STX3: variants seen among roughly 807,000 people sequenced by gnomAD.
The protein encoded by STX3 is syntaxin-3.
A neutral mutation model predicts 40.2 loss-of-function variants in STX3; 19 were observed. The observed-to-expected ratio is 0.47, with a 90% CI of 0.33 to 0.69. The LOEUF (loss-of-function observed/expected upper bound fraction) is 0.69, where lower values mean the gene tolerates loss of function less well. Ranked by LOEUF, STX3 falls within the 30% of genes least tolerant of loss-of-function variation. The probability of loss-of-function intolerance (pLI) is 0.02; values close to 1 mark genes in which losing one functional copy is unlikely to be tolerated. For missense variants in STX3, 364 were observed against 366.7 expected, an observed-to-expected ratio of 0.99 and a Z score of 0.06; for synonymous variants, 122 against 132.2, an observed-to-expected ratio of 0.92 and a Z score of 0.53.
rs748781740 is a variant in STX3, at chr11:59,805,492, A to G, written c.*4668A>G. The G allele has an allele frequency of 2.0e-5, 3 of 152,216 alleles. No individual in the cohort carries two copies. The highest frequency in any genetic ancestry group is 4.4e-5 in the Non-Finnish European group (3 of 68,032). 9.4% of individuals were successfully genotyped at this position (152,216 alleles called of 1,614,324 possible). ...CCCACCTTCAAAAGCCAATGGTTTG[A>G]TATTTCTATTAATTTGTGCTTCCTT... On this transcript the variant is annotated 3_prime_UTR_variant, in exon 11 of 11. Coordinates refer to ENST00000337979, the MANE Select transcript of STX3 (RefSeq NM_004177.5).
chr11:59,780,430 A>G (rs866709803), intron 2 of STX3, among the ~76,000 whole-genome samples: 6 of 152,196 alleles, frequency 3.9e-5, no homozygotes, highest in South Asian at 4.1e-4. Context: ...TACTGTGAGA[A>G]ATATATCCTG....
At chr11:59,790,626 T>A in intron 5 of STX3, 40 bp downstream of exon 5, 1 of 1,482,678 alleles carries the variant, frequency 6.7e-7, no homozygotes, top group Non-Finnish European at 9.4e-7. Context: ...TAGTCCAATC[T>A]CTTATTGTTT....
chr11:59,762,541 A>G (rs185418839), intron 1 of STX3, among the ~76,000 whole-genome samples: 4 of 152,350 alleles, frequency 2.6e-5, no homozygotes, highest in Admixed American at 1.3e-4. Flanking sequence ...TAAGTATTCT[A>G]GAATGACCAT....
intron 9 of STX3, 155 bp downstream of exon 9, chr11:59,795,637 C>G: frequency 6.5e-7 from 1 of 1,538,706 alleles, no homozygotes; most frequent in Non-Finnish European, 8.7e-7. Context: ...ACAACATGGA[C>G]CAGTCAGTGG....
intron 3 of STX3, among the ~76,000 whole-genome samples, chr11:59,788,042 C>A (rs968648940): frequency 1.3e-5 from 2 of 152,238 alleles, no homozygotes; most frequent in South Asian, 4.1e-4. Context: ...GCCAGAGCAA[C>A]TCTGTCTGGT....
chr11:59,790,039 C>A (rs1011610629), intron 4 of STX3, among the ~76,000 whole-genome samples: 1 of 152,212 alleles, frequency 6.6e-6, no homozygotes, highest in African/African-American at 2.4e-5. Flanking sequence ...TTCTTCCCCC[C>A]AAGTATATTG....
chr11:59,802,590 T>G lies in STX3; in HGVS notation c.*1766T>G. 4 of 985,892 alleles carry G rather than the reference T, an allele frequency of 4.1e-6. No individual in the cohort carries two copies. The highest frequency in any genetic ancestry group is 3.6e-6 in the Non-Finnish European group (3 of 829,938). 61.1% of individuals were successfully genotyped at this position (985,892 alleles called of 1,614,324 possible). A position where few individuals can be genotyped will look rare whatever the true frequency, so the allele number is the denominator to read the frequency against. On this transcript the variant is annotated 3_prime_UTR_variant, in exon 11 of 11. Coordinates refer to ENST00000337979, the MANE Select transcript of STX3 (RefSeq NM_004177.5). ...CTCCTCTGACATTGAGGCCTGGGGCTTACAGTTTGGAATACAACATGTGAA... is the reference window on the plus strand; with the variant it reads ...CTCCTCTGACATTGAGGCCTGGGGCGTACAGTTTGGAATACAACATGTGAA...
At chr11:59,790,211 A>C (rs144559189) in intron 4 of STX3, among the ~76,000 whole-genome samples, 135 of 152,368 alleles carry the variant, frequency 8.9e-4, no homozygotes, top group African/African-American at 3.1e-3. Context: ...ATGAGAGAAC[A>C]GGTACATTAA....
chr11:59,800,799 T>C, intron 10 of STX3, 56 bp from the exon 11 acceptor site: 1 of 1,535,712 alleles, frequency 6.5e-7, no homozygotes. Flanking sequence ...ACTCCTTCTG[T>C]TGCCCTTTGC....
At position 59,802,825 on chromosome 11, in the gene STX3, T is replaced by C; in HGVS notation, c.*2001T>C. The C allele has an allele frequency of 1.0e-6, 1 of 991,524 alleles. No individual in the cohort carries two copies. Among genetic ancestry groups the C allele is most frequent in the East Asian group, 1.1e-4 (1 of 9,396 alleles). 61.4% of individuals were successfully genotyped at this position (991,524 alleles called of 1,614,324 possible). On this transcript the variant is annotated 3_prime_UTR_variant, in exon 11 of 11. Coordinates refer to ENST00000337979, the MANE Select transcript of STX3 (RefSeq NM_004177.5). Reference sequence around the variant, plus strand: ...TTAAGCCATGTGCTGGATCAGATGGTTCAAAAGTGCAATTTTTGAACATGG... The same window carrying C: ...TTAAGCCATGTGCTGGATCAGATGGCTCAAAAGTGCAATTTTTGAACATGG...
chr11:59,772,924 A>G (rs368954574), intron 1 of STX3, among the ~76,000 whole-genome samples: 13 of 151,802 alleles, frequency 8.6e-5, no homozygotes, highest in South Asian at 4.2e-4. Flanking sequence ...GCACAGCAAG[A>G]TAGGTAACTT....
chr11:59,778,874 G>T (rs1864172346), intron 2 of STX3, among the ~76,000 whole-genome samples: 1 of 131,218 alleles, frequency 7.6e-6, no homozygotes, highest in South Asian at 2.4e-4. Context: ...CGCTCTTGTC[G>T]CCCAGGCTGG....
At chr11:59,791,455 G>A (rs1865152576) in intron 5 of STX3, among the ~76,000 whole-genome samples, 3 of 152,164 alleles carry the variant, frequency 2.0e-5, no homozygotes, top group Non-Finnish European at 2.9e-5. Flanking sequence ...TTTGAAAGCC[G>A]TTTACAAGTG....
In STX3 at chr11:59,801,025, G is replaced by C; in HGVS notation, c.*201G>C. The stretch of plus-strand genomic sequence containing the variant: ...TGGGGGAATGTGATCTACCTGATGC[G>C]ACCCTGAGTTCTCCCCAGAGCCTCC... On this transcript the variant is annotated 3_prime_UTR_variant, in exon 11 of 11. Transcript: ENST00000337979. The C allele has an allele frequency of 1.3e-6, 2 of 1,500,162 alleles. No homozygotes were observed. The highest frequency in any genetic ancestry group is 1.8e-6 in the Non-Finnish European group (2 of 1,127,562). 92.9% of individuals were successfully genotyped at this position (1,500,162 alleles called of 1,614,324 possible).
upstream of STX3, chr11:59,755,296 T>G: frequency 8.5e-6 from 2 of 235,780 alleles, no homozygotes; most frequent in Non-Finnish European, 8.1e-6. Flanking sequence ...CGCGGGCCCT[T>G]TAAGAAGGAG....
chr11:59,805,187 A>C lies in STX3; in HGVS notation c.*4363A>C, dbSNP rs949241266. Reference sequence around the variant, plus strand: ...AGCTAAATTCCATCTAAAAAAAAAAAAAAAACAAAAAAAAAAAACTGTTCT... The same window carrying C: ...AGCTAAATTCCATCTAAAAAAAAAACAAAAACAAAAAAAAAAAACTGTTCT... On this transcript the variant is annotated 3_prime_UTR_variant, in exon 11 of 11. Coordinates refer to ENST00000337979, the MANE Select transcript of STX3 (RefSeq NM_004177.5). The C allele has an allele frequency of 1.7e-4, 25 of 150,020 alleles. 1 individual carries two copies. The highest frequency in any genetic ancestry group is 1.0e-3 in the Admixed American group (15 of 14,936). 9.3% of individuals were successfully genotyped at this position (150,020 alleles called of 1,614,324 possible). A position where few individuals can be genotyped will look rare whatever the true frequency, so the allele number is the denominator to read the frequency against.
At chr11:59,799,048 C>T (rs1222306854) in intron 10 of STX3, among the ~76,000 whole-genome samples, 1 of 152,060 alleles carries the variant, frequency 6.6e-6, no homozygotes, top group African/African-American at 2.4e-5. Flanking sequence ...CACCAACACG[C>T]CAAGATAACT....
chr11:59,778,197 C>T (rs192015519), intron 2 of STX3, among the ~76,000 whole-genome samples: 12 of 152,272 alleles, frequency 7.9e-5, no homozygotes, highest in African/African-American at 2.6e-4. Flanking sequence ...AAGAGCGGTA[C>T]ATAGGTCCCA....
At chr11:59,755,694 C>T (rs1862672463) in intron 1 of STX3, 59 bp downstream of exon 1, 1 of 1,509,510 alleles carries the variant, frequency 6.6e-7, no homozygotes, top group Admixed American at 2.0e-5. Context: ...AGAGGGGCTT[C>T]CCTTTGCTCC....
Sources: gnomAD v4.1 joint callset for allele counts (sites outside exome capture counted in the v4.1 genomes callset) on GRCh38, gnomAD v4.1.1 for gene constraint, MANE v1.5 for transcripts, NCBI Gene and HGNC (gene_info 2026-07-23, HGNC 2026-07-21) for gene names.